Variants in DENND1A observed in about 807,000 individuals in gnomAD.
DENND1A encodes DENN domain containing 1A.
A neutral mutation model predicts 113.7 loss-of-function variants in DENND1A; 51 were observed. That is an observed-to-expected ratio of 0.45 (90% confidence interval 0.36 to 0.57). DENND1A has a LOEUF of 0.57. DENND1A is among the 20% of genes least tolerant of loss of function. The pLI, the probability that DENND1A is intolerant of heterozygous loss-of-function variation, is 0.00. For missense variants in DENND1A, 1,258 were observed against 1,395.9 expected, an observed-to-expected ratio of 0.90 and a Z score of 1.57; for synonymous variants, 565 against 570.8, an observed-to-expected ratio of 0.99 and a Z score of 0.14.
At chr9:123,842,841 A>T (rs1842024095) in intron 2 of DENND1A, among the ~76,000 whole-genome samples, 1 of 152,202 alleles carries the variant, frequency 6.6e-6, no homozygotes, top group Non-Finnish European at 1.5e-5. Context: ...AATACTCAAT[A>T]TATTAATACT....
At chr9:123,484,238 T>C (rs2050596825) in intron 13 of DENND1A, among the ~76,000 whole-genome samples, 1 of 152,196 alleles carries the variant, frequency 6.6e-6, no homozygotes, top group Admixed American at 6.5e-5. Flanking sequence ...GCTGGGTTTT[T>C]GCAGACACAA....
intron 8 of DENND1A, among the ~76,000 whole-genome samples, chr9:123,653,483 TTG>T (rs1314672296): frequency 6.6e-6 from 1 of 152,226 alleles, no homozygotes; most frequent in Non-Finnish European, 1.5e-5. Context: ...CATCTATTGT[TTG>T]AAAGATTCAC....
At chr9:123,399,563 T>C (rs2043317567) in intron 21 of DENND1A, among the ~76,000 whole-genome samples, 1 of 152,138 alleles carries the variant, frequency 6.6e-6, no homozygotes, top group Non-Finnish European at 1.5e-5. Flanking sequence ...GGGATGTTGG[T>C]GAATGTCATT....
intron 4 of DENND1A, among the ~76,000 whole-genome samples, chr9:123,761,418 A>C (rs1200877789): frequency 2.0e-5 from 3 of 152,256 alleles, no homozygotes; most frequent in African/African-American, 7.2e-5. Flanking sequence ...ACTAAAACTC[A>C]CATTAAAAAC....
At chr9:123,828,217 G>C (rs1044250446) in intron 2 of DENND1A, among the ~76,000 whole-genome samples, 4 of 151,870 alleles carry the variant, frequency 2.6e-5, no homozygotes, top group Admixed American at 6.6e-5. Flanking sequence ...TGAGAGTTTT[G>C]CATAAAATTA....
At chr9:123,923,104 A>C (rs1355909841) in intron 1 of DENND1A, among the ~76,000 whole-genome samples, 1 of 152,178 alleles carries the variant, frequency 6.6e-6, no homozygotes, top group East Asian at 1.9e-4. Flanking sequence ...GGACCTTTGC[A>C]ACTGCAACCG....
intron 2 of DENND1A, among the ~76,000 whole-genome samples, chr9:123,856,304 G>C (rs191111184): frequency 1.3e-5 from 2 of 152,258 alleles, no homozygotes; most frequent in Admixed American, 1.3e-4. Context: ...GGGACTCAAA[G>C]TGCAACCAGT....
At chr9:123,753,752 C>A (rs540984984) in intron 5 of DENND1A, among the ~76,000 whole-genome samples, 1 of 152,168 alleles carries the variant, frequency 6.6e-6, no homozygotes, top group South Asian at 2.1e-4. Flanking sequence ...GAAGAGTTGA[C>A]CTTCCAATAG....
At chr9:123,561,473 T>G (rs146180968) in intron 12 of DENND1A, among the ~76,000 whole-genome samples, 49 of 152,288 alleles carry the variant, frequency 3.2e-4, no homozygotes, top group Non-Finnish European at 4.9e-4. Flanking sequence ...ACCTCAAACT[T>G]TGAAACTGCA....
At chr9:123,570,667 A>G (rs937110872) in intron 12 of DENND1A, among the ~76,000 whole-genome samples, 24 of 152,240 alleles carry the variant, frequency 1.6e-4, no homozygotes, top group Admixed American at 5.9e-4. Flanking sequence ...GTAGGTGCTC[A>G]GGAAATGCCT....
chr9:123,893,297 A>T (rs1240390176), intron 1 of DENND1A, among the ~76,000 whole-genome samples: 1 of 152,242 alleles, frequency 6.6e-6, no homozygotes, highest in East Asian at 1.9e-4. Context: ...CCATGTCCCT[A>T]ATCACTATGC....
At chr9:123,679,031 AT>A (rs1024824266) in intron 5 of DENND1A, among the ~76,000 whole-genome samples, 10 of 151,056 alleles carry the variant, frequency 6.6e-5, no homozygotes, top group East Asian at 1.9e-4. Flanking sequence ...AGGATTACAA[AT>A]TTTTTTTTTC....
intron 13 of DENND1A, among the ~76,000 whole-genome samples, chr9:123,523,944 T>C (rs879718767): frequency 9.2e-5 from 14 of 152,146 alleles, no homozygotes; most frequent in Non-Finnish European, 1.8e-4. Flanking sequence ...AGAATCTCTC[T>C]AACAATTAAG....
chr9:123,808,915 A>C (rs922089802), intron 2 of DENND1A, among the ~76,000 whole-genome samples: 2 of 152,076 alleles, frequency 1.3e-5, no homozygotes, highest in African/African-American at 2.4e-5. Context: ...GGCTCACTCT[A>C]TCTCTCTCAC....
At chr9:123,787,684 C>T (rs1832393417) in intron 3 of DENND1A, among the ~76,000 whole-genome samples, 1 of 152,026 alleles carries the variant, frequency 6.6e-6, no homozygotes, top group South Asian at 2.1e-4. Context: ...TATTTTTGTT[C>T]CTTTTTAGTA....
chr9:123,879,553 T>TACACACACACACACACACAC (rs138124573), intron 1 of DENND1A, among the ~76,000 whole-genome samples: 33 of 150,106 alleles, frequency 2.2e-4, no homozygotes, highest in African/African-American at 6.1e-4. Context: ...AATAAAATTA[T>TACACACACACACACACACAC]ACACACACAC....
chr9:123,707,169 CG>C (rs1236069952), intron 5 of DENND1A, among the ~76,000 whole-genome samples: 1 of 152,048 alleles, frequency 6.6e-6, no homozygotes, highest in East Asian at 1.9e-4. Flanking sequence ...CCAAGGCAGG[CG>C]GATCACCTGA....
intron 1 of DENND1A, among the ~76,000 whole-genome samples, chr9:123,885,056 C>T (rs117516723): frequency 0.039 from 5,997 of 151,904 alleles, 129 homozygotes; most frequent in Middle Eastern, 0.048. Context: ...CACACACACA[C>T]ACAGACGCAC....
Position 123,557,282 on chromosome 9 carries a change from G to C in DENND1A, c.993+288C>G, listed in dbSNP as rs553726904. Among the ~76,000 whole-genome samples, 8 of 152,350 alleles carry C rather than the reference G, an allele frequency of 5.3e-5. No individual in the cohort carries two copies. In the East Asian group the frequency reaches 1.2e-3, roughly 22 times the overall value. On this transcript the variant is annotated intron_variant, in intron 13 of 23. Transcript: ENST00000394215. The stretch of plus-strand genomic sequence containing the variant: ...GTGAAGCCCCAGGGAGAGCAGGTGA[G>C]TGTGAGGGGCCTGGCGCTGCATCTG...
Sources: allele counts gnomAD v4.1 joint callset (sites outside exome capture counted in the v4.1 genomes callset), GRCh38; gene constraint gnomAD v4.1.1; transcripts MANE v1.5; gene names NCBI Gene and HGNC (gene_info 2026-07-23, HGNC 2026-07-21).